NOX3: variants seen among roughly 807,000 people sequenced by gnomAD.
NOX3 encodes the protein NADPH oxidase 3.
Under a neutral mutation model 76.7 loss-of-function variants are expected in NOX3, and 74 were observed. The ratio of observed to expected loss-of-function variants is 0.96; its 90% CI spans 0.80 to 1.17. The LOEUF is 1.17. NOX3 is among the 50% of genes most tolerant of loss of function. The pLI is 0.00. For missense variants in NOX3, 695 were observed against 703.3 expected (o/e 0.99, Z 0.13); for synonymous variants, 263 against 261.1 (o/e 1.01, Z -0.07).
chr6:155,399,801 T>A lies in NOX3; in HGVS notation c.1581-2839A>T, dbSNP rs112040023. On this transcript the variant is annotated intron_variant, in intron 12 of 13. Coordinates refer to ENST00000159060, the MANE Select transcript of NOX3 (RefSeq NM_015718.3). ...CCTAATGGGGTTGGTAAAGAAAAAA[T>A]TCTTCTATAAAATTTAATTACCCAC... is the stretch of plus-strand genomic sequence containing the variant. 8.0e-3 allele frequency among the ~76,000 whole-genome samples: 1,209 copies of A among 151,936 alleles called. 16 individuals are homozygous for A. Among genetic ancestry groups the A allele is most frequent in the African/African-American group, 0.028 (1,155 of 41,428 alleles).
At chr6:155,440,325 G>A (rs1379553245) in intron 5 of NOX3, among the ~76,000 whole-genome samples, 188 bp from the exon 6 acceptor site, 1 of 151,822 alleles carries the variant, frequency 6.6e-6, no homozygotes, top group Non-Finnish European at 1.5e-5. Flanking sequence ...CTCAAGAAGC[G>A]AGCTTACTCT....
intron 9 of NOX3, among the ~76,000 whole-genome samples, chr6:155,423,610 C>A (rs906338297): frequency 6.6e-6 from 1 of 152,158 alleles, no homozygotes; most frequent in African/African-American, 2.4e-5. Flanking sequence ...CACTGGTTCT[C>A]ACACTGGTGA....
intron 4 of NOX3, among the ~76,000 whole-genome samples, chr6:155,445,414 C>T (rs1777047693): frequency 1.3e-5 from 2 of 152,180 alleles, no homozygotes; most frequent in Admixed American, 6.5e-5. Flanking sequence ...GCAAGAACTT[C>T]TGAGAATATT....
intron 10 of NOX3, among the ~76,000 whole-genome samples, chr6:155,413,889 C>T (rs372520293): frequency 6.6e-6 from 1 of 152,296 alleles, no homozygotes; most frequent in South Asian, 2.1e-4. Context: ...TAAAAAAATC[C>T]TCCAATTTCA....
At chr6:155,403,415 C>T (rs1479683973) in intron 12 of NOX3, among the ~76,000 whole-genome samples, 1 of 152,076 alleles carries the variant, frequency 6.6e-6, no homozygotes, top group African/African-American at 2.4e-5. Flanking sequence ...AGCTATATAA[C>T]AAGTTACCAT....
At chr6:155,402,134 G>A (rs1779238827) in intron 12 of NOX3, among the ~76,000 whole-genome samples, 1 of 152,066 alleles carries the variant, frequency 6.6e-6, no homozygotes, top group Non-Finnish European at 1.5e-5. Flanking sequence ...GCTTGTGAAC[G>A]TATTGACAAT....
At chr6:155,438,899 A>G (rs1309845875) in intron 6 of NOX3, among the ~76,000 whole-genome samples, 1 of 152,218 alleles carries the variant, frequency 6.6e-6, no homozygotes, top group Admixed American at 6.5e-5. Context: ...CAAAAAGGGC[A>G]TTAGCAACAT....
chr6:155,425,102 C>T (rs934540664), intron 9 of NOX3, among the ~76,000 whole-genome samples: 6 of 152,202 alleles, frequency 3.9e-5, no homozygotes, highest in South Asian at 2.1e-4. Flanking sequence ...AGGGGCAATT[C>T]TAAATATTAG....
intron 4 of NOX3, among the ~76,000 whole-genome samples, chr6:155,446,856 A>G (rs1296115172): frequency 6.6e-6 from 1 of 152,034 alleles, no homozygotes; most frequent in Non-Finnish European, 1.5e-5. Flanking sequence ...TTCTCTCTCC[A>G]TAGACTAGGG....
intron 12 of NOX3, among the ~76,000 whole-genome samples, chr6:155,400,311 G>GT (rs1164091317): frequency 4.6e-5 from 7 of 152,136 alleles, no homozygotes; most frequent in Admixed American, 3.9e-4. Flanking sequence ...TAAATTGTAT[G>GT]TTTGTTTTTA....
At chr6:155,422,369 G>C (rs9384326) in intron 10 of NOX3, among the ~76,000 whole-genome samples, 18,801 of 152,138 alleles carry the variant, frequency 0.12, 2,289 homozygotes, top group East Asian at 0.7. Context: ...ACTAAGGAGA[G>C]GTTGCCTCTT....
chr6:155,402,554 G>A (rs1326800459), intron 12 of NOX3, among the ~76,000 whole-genome samples: 9 of 151,738 alleles, frequency 5.9e-5, no homozygotes, highest in African/African-American at 2.2e-4. Context: ...TCATTTTGAT[G>A]CCCATCAATT....
At chr6:155,415,764 A>G (rs1187620242) in intron 10 of NOX3, among the ~76,000 whole-genome samples, 1 of 151,830 alleles carries the variant, frequency 6.6e-6, no homozygotes, top group Non-Finnish European at 1.5e-5. Context: ...TATTGTGAGG[A>G]TGAAAGGATA....
At chr6:155,442,060 C>A (rs1479886280) in intron 5 of NOX3, among the ~76,000 whole-genome samples, 2 of 152,148 alleles carry the variant, frequency 1.3e-5, no homozygotes, top group South Asian at 2.1e-4. Context: ...GTCAGGCGAT[C>A]AAGACCATCC....
intron 4 of NOX3, among the ~76,000 whole-genome samples, chr6:155,445,694 G>A (rs1044815850): frequency 6.6e-6 from 1 of 151,586 alleles, no homozygotes; most frequent in Non-Finnish European, 1.5e-5. Flanking sequence ...GATGAACTTT[G>A]ACTTCTCAAG....
At chr6:155,435,241 T>C (rs1260527296) in intron 7 of NOX3, among the ~76,000 whole-genome samples, 2 of 152,170 alleles carry the variant, frequency 1.3e-5, no homozygotes, top group Admixed American at 6.5e-5. Flanking sequence ...CGGCAAACGC[T>C]GCTGGGAGCA....
chr6:155,412,359 T>C (rs1776562427), intron 10 of NOX3, among the ~76,000 whole-genome samples: 1 of 152,172 alleles, frequency 6.6e-6, no homozygotes. Context: ...ATTTAATGAA[T>C]AGATCAAATT....
chr6:155,403,837 G>A (rs564032086), intron 12 of NOX3, among the ~76,000 whole-genome samples: 3 of 152,126 alleles, frequency 2.0e-5, no homozygotes, highest in Non-Finnish European at 4.4e-5. Context: ...CCTGGCTCAT[G>A]CCTTTTTGAG....
chr6:155,414,208 A>G (rs944767328), intron 10 of NOX3, among the ~76,000 whole-genome samples: 4 of 152,224 alleles, frequency 2.6e-5, no homozygotes, highest in African/African-American at 9.6e-5. Context: ...TTTGAACAGA[A>G]GCAAAAGGTA....
Sources: allele counts gnomAD v4.1 joint callset (sites outside exome capture counted in the v4.1 genomes callset), GRCh38; gene constraint gnomAD v4.1.1; transcripts MANE v1.5; gene names NCBI Gene and HGNC (gene_info 2026-07-23, HGNC 2026-07-21).